The following HGS variants were observed in gnomAD, a reference collection of about 807,000 sequenced individuals.
HGS encodes hepatocyte growth factor-regulated tyrosine kinase substrate.
Under a neutral mutation model 109.7 loss-of-function variants are expected in HGS, and 63 were observed. That is an observed-to-expected ratio of 0.57 (90% CI 0.47 to 0.71). The LOEUF (loss-of-function observed/expected upper bound fraction) is 0.71. Among genes scored for constraint, HGS ranks in the 30% least tolerant of loss-of-function variants. HGS has a pLI of 0.00. For missense variants in HGS, 995 were observed against 1,068.3 expected (o/e 0.93, Z 0.96); for synonymous variants, 546 against 437.3 (o/e 1.25, Z -3.10).
rs62077179 is a variant in HGS at position 81,688,989 on chromosome 17, C to T, written c.415+162C>T. On this transcript the variant is annotated intron_variant, in intron 5 of 21. Transcript: ENST00000329138. ...CCAGGGAAGACCGTGCATGTGAGGG[C>T]GGGTTCAGACCGGCTCCTGCCTTTC... Among the ~76,000 whole-genome samples, 1,504 of 152,310 alleles carry T rather than the reference C, an allele frequency of 9.9e-3. 14 individuals carry two copies. The highest frequency in any genetic ancestry group is 0.014 in the Middle Eastern group (4 of 294).
rs781239476 is a variant in HGS at position 81,695,197 on chromosome 17, C to T, written c.1153C>T (p.Pro385Ser). 78 of 1,614,090 alleles carry T rather than the reference C, an allele frequency of 4.8e-5. No homozygotes were observed. The highest frequency in any genetic ancestry group is 1.6e-4 in the Middle Eastern group (1 of 6,084). The change falls in exon 14 of 22, where the codon CCT (proline) becomes TCT (serine). Residue 385 changes from proline to serine, a missense_variant. Physicochemically the swap from Pro to Ser is moderately conservative, Grantham distance 74. Transcript: ENST00000329138. ...CCCGGAGACAGACTCTCAGCCCATT[C>T]CTCCCTCTGGTGGCCCCTTTAGTGA... ...PLPETDSQPI[P>S]PSGGPFSEPQ...
chr17:81,690,528 C>T (rs1286021497), intron 6 of HGS, 146 bp from the exon 7 acceptor site: 13 of 742,776 alleles, frequency 1.8e-5, no homozygotes, highest in South Asian at 7.6e-5. Flanking sequence ...CAGGCCACGC[C>T]GCTGGGAAGG....
intron 14 of HGS, 132 bp downstream of exon 14, chr17:81,695,355 C>G: frequency 1.1e-6 from 1 of 933,668 alleles, no homozygotes; most frequent in Non-Finnish European, 1.6e-6. Flanking sequence ...CAGCCCAGCC[C>G]TGGCCTGCCC....
chr17:81,700,811 G>A lies in HGS; in HGVS notation c.2133G>A (p.Met711Ile). ...CCATGGGCTACCAGCCTTACAACATGCAGGTACAGTGACCTCCAGGCCCTG... is the reference window on the plus strand; with the variant it reads ...CCATGGGCTACCAGCCTTACAACATACAGGTACAGTGACCTCCAGGCCCTG... ...SVSMGYQPYN[M>I]QNLMTTLPSQ... Residue 711 changes from methionine (M) to isoleucine (I), a missense_variant, in exon 20 of 22, where the codon ATG (methionine) becomes ATA (isoleucine). Transcript: ENST00000329138. 6.2e-7 allele frequency: 1 copy of A among 1,611,210 alleles called. No individual in the cohort carries two copies. The highest frequency in any genetic ancestry group is 1.3e-5 in the African/African-American group (1 of 75,026).
intron 18 of HGS, among the ~76,000 whole-genome samples, chr17:81,699,134 T>C (rs997253919): frequency 6.6e-6 from 1 of 152,218 alleles, no homozygotes; most frequent in Middle Eastern, 3.2e-3. Flanking sequence ...CACAGTTTTC[T>C]TTTGCATTGT....
chr17:81,692,857 C>T (rs867803964), intron 8 of HGS: 1 of 151,972 alleles, frequency 6.6e-6, no homozygotes, highest in African/African-American at 2.4e-5. Flanking sequence ...GTATTTTATA[C>T]AAAAATTAGC....
chr17:81,696,285 G>A (rs1019164938), intron 15 of HGS, 72 bp from the exon 16 acceptor site: 126 of 1,452,618 alleles, frequency 8.7e-5, no homozygotes, highest in Non-Finnish European at 1.1e-4. Flanking sequence ...GCCCATCTGC[G>A]TGTCCGTTCC....
At position 81,701,882 on chromosome 17, in the gene HGS, C is replaced by A; in HGVS notation, c.*264C>A. On this transcript the variant is annotated 3_prime_UTR_variant, in exon 22 of 22. Transcript: ENST00000329138. The stretch of plus-strand genomic sequence containing the variant: ...AGGGGAAGCCCCCAGCCCTGTGGGT[C>A]ATGGTCTGTGAGAGGTGGCAGGAAT... The A allele has an allele frequency of 2.5e-6, 1 of 407,308 alleles. No individual in the cohort carries two copies. The highest frequency in any genetic ancestry group is 4.3e-6 in the Non-Finnish European group (1 of 233,328). 25.2% of individuals were successfully genotyped at this position (407,308 alleles called of 1,614,324 possible). A position where few individuals can be genotyped will look rare whatever the true frequency, so the allele number is the denominator to read the frequency against.
In HGS at chr17:81,700,491, T is replaced by G; in HGVS notation, c.1907T>G (p.Met636Arg). ...GATCCCAGCATGGTGAGTGCCTACA[T>G]GTACCCAGCAGGGGCCACTGGGGCG... ...AADPSMVSAY[M>R]YPAGATGAQA... is the part of the protein sequence containing the mutation. The change falls in exon 19 of 22, where the codon ATG becomes AGG. Residue 636 changes from methionine (M) to arginine (R), a missense_variant. Met to Arg is a moderately conservative substitution (Grantham distance 91, BLOSUM62 -1). This residue lies in a region of HGS where 326 missense variants were observed against 309.7 expected (regional missense o/e 1.05). Transcript: ENST00000329138. The G allele has an allele frequency of 6.3e-7, 1 of 1,597,842 alleles. No individual in the cohort carries two copies. The highest frequency in any genetic ancestry group is 8.5e-7 in the Non-Finnish European group (1 of 1,171,866).
At chr17:81,693,606 G>A (rs1256002431) in intron 9 of HGS, 25 bp downstream of exon 9, 1 of 1,565,208 alleles carries the variant, frequency 6.4e-7, no homozygotes, top group Non-Finnish European at 8.7e-7. Context: ...CCGTCCCGTG[G>A]GCACCTCTTC....
chr17:81,684,784 C>A, intron 1 of HGS: 2 of 401,686 alleles, frequency 5.0e-6, no homozygotes, highest in East Asian at 1.6e-4. Flanking sequence ...GTCGAATGGG[C>A]TGCCCAAGCT....
chr17:81,695,343 C>T, intron 14 of HGS, 120 bp downstream of exon 14: 1 of 1,053,054 alleles, frequency 9.5e-7, no homozygotes, highest in Non-Finnish European at 1.4e-6. Context: ...GGGTGTCTGC[C>T]CCAGCCCAGC....
intron 8 of HGS, among the ~76,000 whole-genome samples, chr17:81,693,299 C>G (rs1308795827): frequency 2.0e-5 from 3 of 152,252 alleles, no homozygotes; most frequent in African/African-American, 7.2e-5. Context: ...GGGACTCACC[C>G]GAGCCCTTGT....
rs62077181 is a variant in HGS, at chr17:81,690,241, G to A, written c.468+7G>A. On this transcript the variant is annotated splice_region_variant and intron_variant, in intron 6 of 21. Coordinates refer to ENST00000329138, the MANE Select transcript of HGS (RefSeq NM_004712.5). Reference sequence around the variant, plus strand: ...CATGTTTGCTGCCGAGAGAGTGAGTGTGGGCGGCCGCCAGGGGTTCTGGAG... The same window carrying A: ...CATGTTTGCTGCCGAGAGAGTGAGTATGGGCGGCCGCCAGGGGTTCTGGAG... The A allele has an allele frequency of 1.2e-6, 2 of 1,613,708 alleles. No homozygotes were observed. The highest frequency in any genetic ancestry group is 1.1e-5 in the South Asian group (1 of 91,042).
rs1340259128 is a variant in HGS, at chr17:81,696,318, T to G, written c.1394-39T>G. The G allele has an allele frequency of 7.3e-6, 11 of 1,505,932 alleles. No homozygotes were observed. The South Asian group carries it at 1.3e-4, about 18-fold the overall frequency. 93.3% of individuals were successfully genotyped at this position (1,505,932 alleles called of 1,614,324 possible). On this transcript the variant is annotated intron_variant, in intron 15 of 21. Coordinates refer to ENST00000329138, the MANE Select transcript of HGS (RefSeq NM_004712.5). The stretch of plus-strand genomic sequence containing the variant: ...TCCACCCAGGAGCTTCTCGGCACTG[T>G]GCCGGAGTGGTCAGGGTTGCTCTGT...
intron 1 of HGS, 80 bp downstream of exon 1, chr17:81,684,183 G>T: frequency 1.6e-6 from 2 of 1,255,806 alleles, no homozygotes; most frequent in Non-Finnish European, 2.1e-6. Context: ...GGCCCCGAGG[G>T]CCCGAGGGGC....
chr17:81,701,770 C>A lies in HGS; in HGVS notation c.*152C>A. 8.6e-7 allele frequency: 1 copy of A among 1,169,576 alleles called. No individual in the cohort carries two copies. The highest frequency in any genetic ancestry group is 1.2e-6 in the Non-Finnish European group (1 of 860,592). 72.4% of individuals were successfully genotyped at this position (1,169,576 alleles called of 1,614,324 possible). A position where few individuals can be genotyped will look rare whatever the true frequency, so the allele number is the denominator to read the frequency against. Reference sequence around the variant, plus strand: ...GGGGCCTTCACCCCAAGCCCACCTCCCTTGTCCTCAGCCTACTGCAGTCCC... The same window carrying A: ...GGGGCCTTCACCCCAAGCCCACCTCACTTGTCCTCAGCCTACTGCAGTCCC... On this transcript the variant is annotated 3_prime_UTR_variant, in exon 22 of 22. Transcript: ENST00000329138.
intron 5 of HGS, among the ~76,000 whole-genome samples, 195 bp downstream of exon 5, chr17:81,689,022 A>G (rs937954304): frequency 6.6e-6 from 1 of 152,244 alleles, no homozygotes; most frequent in African/African-American, 2.4e-5. Flanking sequence ...TTCTGGACCC[A>G]CGGCCCACGG....
Position 81,686,988 on chromosome 17 carries a change from C to T in HGS, c.199-15C>T, listed in dbSNP as rs541723989. On this transcript the variant is annotated splice_polypyrimidine_tract_variant and intron_variant, in intron 3 of 21. Coordinates refer to ENST00000329138, the MANE Select transcript of HGS (RefSeq NM_004712.5). ...TGACCACTGGCCCAACCCTTCCCTT[C>T]CTGGGCATCTGCAGGTCATGGAATC... 3 of 1,608,934 alleles carry T rather than the reference C, an allele frequency of 1.9e-6. No homozygotes were observed. Among genetic ancestry groups the T allele is most frequent in the East Asian group, 2.2e-5 (1 of 44,842 alleles).
Sources: allele counts gnomAD v4.1 joint callset (sites outside exome capture counted in the v4.1 genomes callset), GRCh38; gene constraint gnomAD v4.1.1; regional missense constraint gnomAD v4.1.1; transcripts MANE v1.5; gene names NCBI Gene and HGNC (gene_info 2026-07-23, HGNC 2026-07-21).